The following RBFOX1 variants were observed in gnomAD, a reference collection of about 807,000 sequenced individuals.
RBFOX1 encodes RNA binding fox-1 homolog 1, also known as RNA binding protein fox-1 homolog 1.
RBFOX1 carries 8 observed loss-of-function variants against 57.7 expected under a neutral mutation model. The ratio of observed to expected loss-of-function variants is 0.14; its 90% CI spans 0.08 to 0.25. The LOEUF (loss-of-function observed/expected upper bound fraction) is 0.25, where lower values mean the gene tolerates loss of function less well. Among genes scored for constraint, RBFOX1 ranks in the 10% least tolerant of loss-of-function variants. The probability of loss-of-function intolerance (pLI) is 1.00; values close to 1 mark genes in which losing one functional copy is unlikely to be tolerated. For missense variants in RBFOX1, 611 were observed against 548.5 expected (o/e 1.11, Z -1.14); for synonymous variants, 326 against 222.4 (o/e 1.47, Z -4.15).
intron 1 of RBFOX1, among the ~76,000 whole-genome samples, chr16:5,361,684 G>C (rs775644553): frequency 6.6e-5 from 10 of 152,138 alleles, no homozygotes; most frequent in Non-Finnish European, 1.2e-4. Flanking sequence ...GATGGTTGCC[G>C]AGCAGTCAAC....
chr16:6,809,816 A>G lies in RBFOX1; in HGVS notation c.-16+155166A>G, dbSNP rs76242796. Among the ~76,000 whole-genome samples the G allele has an allele frequency of 6.3e-3, 959 of 152,260 alleles. 20 individuals are homozygous for G. Among genetic ancestry groups the G allele is most frequent in the Admixed American group, 0.043 (665 of 15,288 alleles). ...TTCAGCTGCCAAAAATCTTATTCCA[A>G]TTCTCTGGAAGAGTGCTGTCGTACC... On this transcript the variant is annotated intron_variant, in intron 3 of 15. Coordinates refer to ENST00000550418, the MANE Select transcript of RBFOX1 (RefSeq NM_018723.4).
intron 3 of RBFOX1, among the ~76,000 whole-genome samples, chr16:7,016,394 A>T (rs1260552026): frequency 6.6e-6 from 1 of 152,172 alleles, no homozygotes; most frequent in Non-Finnish European, 1.5e-5. Context: ...GGATACTGAA[A>T]ACAAGGCACT....
intron 2 of RBFOX1, among the ~76,000 whole-genome samples, chr16:6,361,866 A>G (rs929377019): frequency 3.9e-5 from 6 of 152,178 alleles, no homozygotes; most frequent in African/African-American, 1.4e-4. Flanking sequence ...CAGGATCAAA[A>G]GAACCTTTCA....
At chr16:7,302,377 G>C (rs1603602396) in intron 4 of RBFOX1, among the ~76,000 whole-genome samples, 1 of 152,270 alleles carries the variant, frequency 6.6e-6, no homozygotes, top group East Asian at 1.9e-4. Context: ...TGCCTTGCGA[G>C]CTGATGGCTG....
chr16:7,434,197 C>T (rs957746238), intron 4 of RBFOX1, among the ~76,000 whole-genome samples: 4 of 152,006 alleles, frequency 2.6e-5, no homozygotes, highest in African/African-American at 9.7e-5. Flanking sequence ...AGGGGCGGGG[C>T]GCGGTGGCTC....
intron 3 of RBFOX1, among the ~76,000 whole-genome samples, chr16:5,701,202 C>T (rs781103250): frequency 6.6e-6 from 1 of 152,174 alleles, no homozygotes; most frequent in Admixed American, 6.5e-5. Context: ...AATTGCTGGC[C>T]TCCCCTGCCA....
At chr16:6,394,317 G>A (rs750445549) in intron 2 of RBFOX1, among the ~76,000 whole-genome samples, 11 of 152,210 alleles carry the variant, frequency 7.2e-5, no homozygotes, top group Non-Finnish European at 1.3e-4. Context: ...GAAGTGCTGA[G>A]ATCCACAGAT....
chr16:7,580,336 C>G (rs554223384), intron 6 of RBFOX1, among the ~76,000 whole-genome samples: 5 of 152,188 alleles, frequency 3.3e-5, no homozygotes, highest in Non-Finnish European at 5.9e-5. Context: ...CTTAGTGTAT[C>G]CCTGCATTGC....
At chr16:5,934,722 A>C (rs935190208) in intron 4 of RBFOX1, among the ~76,000 whole-genome samples, 2 of 152,212 alleles carry the variant, frequency 1.3e-5, no homozygotes, top group Non-Finnish European at 2.9e-5. Flanking sequence ...AATATGTATA[A>C]TTATTACGTG....
At chr16:7,003,075 A>C (rs983570169) in intron 3 of RBFOX1, among the ~76,000 whole-genome samples, 1 of 152,048 alleles carries the variant, frequency 6.6e-6, no homozygotes, top group East Asian at 1.9e-4. Context: ...AGGTTATACA[A>C]TCAGGCCATG....
rs566502482 is a variant in RBFOX1, at chr16:7,524,875, A to C, written c.270+6486A>C. Among the ~76,000 whole-genome samples the C allele has an allele frequency of 3.3e-5, 5 of 152,318 alleles. No homozygotes were observed. The South Asian group carries it at 1.0e-3, about 32-fold the overall frequency. On this transcript the variant is annotated intron_variant, in intron 5 of 15. Coordinates refer to ENST00000550418, the MANE Select transcript of RBFOX1 (RefSeq NM_018723.4). ...GATGGAATCACTAAGGTATAGGAAAAACTTGTTCAGGGCATTCCTTTTGAC... is the reference window on the plus strand; with the variant it reads ...GATGGAATCACTAAGGTATAGGAAACACTTGTTCAGGGCATTCCTTTTGAC...
At chr16:6,613,821 C>G (rs1293934242) in intron 2 of RBFOX1, among the ~76,000 whole-genome samples, 1 of 152,060 alleles carries the variant, frequency 6.6e-6, no homozygotes, top group Non-Finnish European at 1.5e-5. Context: ...GCCTGTAATC[C>G]CAGCTACCTG....
At chr16:7,540,316 T>C (rs959279164) in intron 5 of RBFOX1, among the ~76,000 whole-genome samples, 2 of 152,148 alleles carry the variant, frequency 1.3e-5, no homozygotes, top group Admixed American at 1.3e-4. Context: ...TACCTGAAAA[T>C]AATGCAATAT....
At chr16:5,447,111 C>G (rs943586664) in intron 1 of RBFOX1, among the ~76,000 whole-genome samples, 1 of 152,286 alleles carries the variant, frequency 6.6e-6, no homozygotes, top group South Asian at 2.1e-4. Context: ...GCATGAGCCC[C>G]TTGGCTGGTC....
intron 2 of RBFOX1, among the ~76,000 whole-genome samples, chr16:6,352,704 G>C (rs1469509987): frequency 6.6e-6 from 1 of 152,136 alleles, no homozygotes; most frequent in African/African-American, 2.4e-5. Context: ...TTGATACAAA[G>C]GGCATTTATC....
chr16:7,007,278 C>G (rs1477331888), intron 3 of RBFOX1, among the ~76,000 whole-genome samples: 1 of 152,170 alleles, frequency 6.6e-6, no homozygotes, highest in Non-Finnish European at 1.5e-5. Context: ...AGTGTGGACT[C>G]TTCCAACTCA....
intron 3 of RBFOX1, among the ~76,000 whole-genome samples, chr16:6,978,931 C>T (rs756919282): frequency 1.3e-4 from 20 of 152,196 alleles, no homozygotes; most frequent in Admixed American, 7.9e-4. Context: ...GGCCTGGGGA[C>T]CACACCCATC....
At chr16:6,900,823 T>A in intron 3 of RBFOX1, among the ~76,000 whole-genome samples, 1 of 152,280 alleles carries the variant, frequency 6.6e-6, no homozygotes, top group Middle Eastern at 3.4e-3. Context: ...CCACTTAACA[T>A]GTTATGGTTG....
chr16:7,069,832 C>G (rs1016887558), intron 4 of RBFOX1, among the ~76,000 whole-genome samples: 1 of 152,152 alleles, frequency 6.6e-6, no homozygotes, highest in Non-Finnish European at 1.5e-5. Context: ...GTCTCAATTT[C>G]CATTCCCCAT....
Sources: gnomAD v4.1 joint callset for allele counts (sites outside exome capture counted in the v4.1 genomes callset) on GRCh38, gnomAD v4.1.1 for gene constraint, MANE v1.5 for transcripts, NCBI Gene and HGNC (gene_info 2026-07-23, HGNC 2026-07-21) for gene names.